TMEM106B: variants seen among roughly 807,000 people sequenced by gnomAD.
The protein encoded by TMEM106B is transmembrane protein 106B.
A neutral mutation model predicts 31.1 loss-of-function variants in TMEM106B; 15 were observed. The ratio of observed to expected loss-of-function variants is 0.48; its 90% CI spans 0.32 to 0.74. The LOEUF is 0.74. TMEM106B is among the 30% of genes least tolerant of loss of function. TMEM106B has a pLI of 0.03. For synonymous variants in TMEM106B, 126 were observed against 112.5 expected (o/e 1.12, Z -0.76); for missense variants, 283 against 327.3 (o/e 0.86, Z 1.04).
Position 12,237,237 on chromosome 7 carries a change from GA to G in TMEM106B, c.*5267del, listed in dbSNP as rs1442737517. ...AAAATTTGTAAAAAAATTTCAGCAT[GA>G]AAAATAAAATTTGTATCACTTATGT... On this transcript the variant is annotated 3_prime_UTR_variant, in exon 8 of 8. Transcript: ENST00000396668. 6.6e-6 allele frequency: 1 copy of G among 151,998 alleles called. No individual in the cohort carries two copies. Among genetic ancestry groups the G allele is most frequent in the African/African-American group, 2.4e-5 (1 of 41,418 alleles). 9.4% of individuals were successfully genotyped at this position (151,998 alleles called of 1,614,324 possible). A position where few individuals can be genotyped will look rare whatever the true frequency, so the allele number is the denominator to read the frequency against.
chr7:12,229,315 A>G (rs1430708433), intron 4 of TMEM106B, among the ~76,000 whole-genome samples: 1 of 152,132 alleles, frequency 6.6e-6, no homozygotes, highest in Non-Finnish European at 1.5e-5. Context: ...GTAAATCTCT[A>G]CTAGTGTACA....
In TMEM106B at chr7:12,211,296, C is replaced by T. The variant is rs572366933; in HGVS notation, c.-132C>T. The T allele has an allele frequency of 3.9e-4, 60 of 152,624 alleles. No individual in the cohort carries two copies. The highest frequency in any genetic ancestry group is 1.4e-3 in the African/African-American group (60 of 41,600). The allele number at this position is 152,624 out of a possible 1,614,324, so 9.5% of individuals were successfully genotyped here. ...TTATCCTACCCCTCCCCCGTCCCAG[C>T]TCTACGGCGGCCGCGCGCTCCAGGC... On this transcript the variant is annotated 5_prime_UTR_variant, in exon 1 of 8. Transcript: ENST00000396668.
rs534860575 is a variant in TMEM106B, at chr7:12,239,483, T to G, written c.*7508T>G. 2 of 152,318 alleles carry G rather than the reference T, an allele frequency of 1.3e-5. No individual in the cohort carries two copies. The highest frequency in any genetic ancestry group is 4.1e-4 in the South Asian group (2 of 4,830). The allele number at this position is 152,318 out of a possible 1,614,324, so 9.4% of individuals were successfully genotyped here. A position where few individuals can be genotyped will look rare whatever the true frequency, so the allele number is the denominator to read the frequency against. ...TAATTTCCTTCAAGAACTTTTCCTTTGCCTTCACAACTTGTGCAAGAGACC... is the reference window on the plus strand; with the variant it reads ...TAATTTCCTTCAAGAACTTTTCCTTGGCCTTCACAACTTGTGCAAGAGACC... On this transcript the variant is annotated 3_prime_UTR_variant, in exon 8 of 8. Coordinates refer to ENST00000396668, the MANE Select transcript of TMEM106B (RefSeq NM_001134232.2).
intron 3 of TMEM106B, among the ~76,000 whole-genome samples, chr7:12,219,479 T>C (rs927418390): frequency 1.3e-5 from 2 of 152,198 alleles, no homozygotes; most frequent in East Asian, 1.9e-4. Flanking sequence ...TATACAAATA[T>C]ACTTTTTAAG....
intron 1 of TMEM106B, among the ~76,000 whole-genome samples, chr7:12,212,635 A>G (rs371144684): frequency 1.5e-3 from 223 of 152,052 alleles, no homozygotes; most frequent in African/African-American, 5.1e-3. Flanking sequence ...CTTTGTATTT[A>G]TTTTGTGTAT....
intron 3 of TMEM106B, among the ~76,000 whole-genome samples, chr7:12,223,739 G>A (rs1284374957): frequency 1.4e-5 from 1 of 73,274 alleles, no homozygotes; most frequent in Admixed American, 1.2e-4. Flanking sequence ...TTTTTTTTTT[G>A]GTACAGAGTC....
At chr7:12,227,313 C>T (rs1583456392) in intron 4 of TMEM106B, among the ~76,000 whole-genome samples, 4 of 152,056 alleles carry the variant, frequency 2.6e-5, no homozygotes, top group Admixed American at 2.6e-4. Context: ...TGTCTTTCTA[C>T]TTATGAAAAT....
chr7:12,212,200 C>T (rs1019306), intron 1 of TMEM106B, among the ~76,000 whole-genome samples: 95,156 of 152,070 alleles, frequency 0.63, 30,609 homozygotes, highest in African/African-American at 0.79. Context: ...CCACTTGAGT[C>T]TGCCTTTCTG....
At chr7:12,216,212 G>A (rs1204933013) in intron 2 of TMEM106B, among the ~76,000 whole-genome samples, 1 of 151,960 alleles carries the variant, frequency 6.6e-6, no homozygotes, top group African/African-American at 2.4e-5. Context: ...AGGGGGTAGG[G>A]GAGTACTGTT....
intron 1 of TMEM106B, chr7:12,211,635 C>T (rs1379021146): frequency 1.3e-5 from 2 of 152,398 alleles, no homozygotes; most frequent in Non-Finnish European, 2.9e-5. Flanking sequence ...GGCCCAAGCC[C>T]TACCTCTGGG....
At chr7:12,229,536 G>A (rs1003124921) in intron 4 of TMEM106B, 143 bp from the exon 5 acceptor site, 1 of 660,330 alleles carries the variant, frequency 1.5e-6, no homozygotes, top group Admixed American at 3.6e-5. Context: ...CCAAATAATT[G>A]GTTTAATTTT....
In TMEM106B at chr7:12,234,982, T is replaced by C. The variant is rs2128528826; in HGVS notation, c.*3007T>C. 1 of 152,046 alleles carries C rather than the reference T, an allele frequency of 6.6e-6. No homozygotes were observed. The highest frequency in any genetic ancestry group is 1.9e-4 in the East Asian group (1 of 5,172). The allele number at this position is 152,046 out of a possible 1,614,324, so 9.4% of individuals were successfully genotyped here. ...ATCAAGTATCTCTGTCTCCCATATC[T>C]GTGTTCTATCATTTAAAATATATAT... On this transcript the variant is annotated 3_prime_UTR_variant, in exon 8 of 8. Transcript: ENST00000396668.
Position 12,243,070 on chromosome 7 carries a change from A to G in TMEM106B, c.*11095A>G, listed in dbSNP as rs966690477. 1.3e-5 allele frequency: 2 copies of G among 152,062 alleles called. No individual in the cohort carries two copies. Among genetic ancestry groups the G allele is most frequent in the Non-Finnish European group, 2.9e-5 (2 of 67,952 alleles). 9.4% of individuals were successfully genotyped at this position (152,062 alleles called of 1,614,324 possible). A position where few individuals can be genotyped will look rare whatever the true frequency, so the allele number is the denominator to read the frequency against. On this transcript the variant is annotated 3_prime_UTR_variant, in exon 8 of 8. Coordinates refer to ENST00000396668, the MANE Select transcript of TMEM106B (RefSeq NM_001134232.2). ...ATTAGATTTTTACAGAATCTTTAAA[A>G]AAGCTTTAATATTTTCAAGGTTTTT...
At chr7:12,215,465 G>A in intron 2 of TMEM106B, 1 of 175,774 alleles carries the variant, frequency 5.7e-6, no homozygotes, top group Admixed American at 6.1e-5. Flanking sequence ...TTGAACTCCT[G>A]TCCTCAAGCA....
At chr7:12,218,307 GCT>G (rs1781726856) in intron 2 of TMEM106B, 149 bp from the exon 3 acceptor site, 2 of 466,754 alleles carry the variant, frequency 4.3e-6, no homozygotes, top group Middle Eastern at 5.7e-4. Context: ...TAGAACTTCT[GCT>G]GGATACTTTC....
Position 12,230,631 on chromosome 7 carries a change from TG to T in TMEM106B, c.632+194del. ...TTCATGTATATATACACATAAAATT[TG>T]TTTTTTTATTTATTTTTCAGAATTA... On this transcript the variant is annotated intron_variant, in intron 6 of 7. Transcript: ENST00000396668. 4 of 418,180 alleles carry T rather than the reference TG, an allele frequency of 9.6e-6. No individual in the cohort carries two copies. In the East Asian group the frequency reaches 1.6e-4, roughly 16 times the overall value. 25.9% of individuals were successfully genotyped at this position (418,180 alleles called of 1,614,324 possible). A position where few individuals can be genotyped will look rare whatever the true frequency, so the allele number is the denominator to read the frequency against.
At chr7:12,221,286 G>A (rs895531450) in intron 3 of TMEM106B, among the ~76,000 whole-genome samples, 1 of 152,058 alleles carries the variant, frequency 6.6e-6, no homozygotes, top group Non-Finnish European at 1.5e-5. Context: ...TATAAATGTC[G>A]GGAGTTGTGT....
chr7:12,212,240 G>C (rs1191871504), intron 1 of TMEM106B, among the ~76,000 whole-genome samples: 2 of 152,166 alleles, frequency 1.3e-5, no homozygotes, highest in African/African-American at 4.8e-5. Flanking sequence ...CTCCAGTTAA[G>C]ATGCAGCTTA....
intron 5 of TMEM106B, 71 bp from the exon 6 acceptor site, chr7:12,230,318 T>G: frequency 9.1e-7 from 1 of 1,099,396 alleles, no homozygotes. Context: ...TTATTTGAAG[T>G]TATGAAGTAT....
Sources: gnomAD v4.1 joint callset for allele counts (sites outside exome capture counted in the v4.1 genomes callset) on GRCh38, gnomAD v4.1.1 for gene constraint, MANE v1.5 for transcripts, NCBI Gene and HGNC (gene_info 2026-07-23, HGNC 2026-07-21) for gene names.